The following MYOM2 variants were observed in gnomAD, a reference collection of about 807,000 sequenced individuals.
MYOM2 encodes myomesin-2.
In MYOM2, 254 loss-of-function variants were observed where a neutral mutation model predicts 187.6. The ratio of observed to expected loss-of-function variants is 1.35; its 90% confidence interval spans 1.22 to 1.50. The LOEUF (loss-of-function observed/expected upper bound fraction) is 1.50. Ranked by LOEUF, MYOM2 falls within the 40% of genes most tolerant of loss-of-function variation. The pLI is 0.00. For missense variants in MYOM2, 2,796 were observed against 1,924.0 expected, an observed-to-expected ratio of 1.45 and a Z score of -8.48; for synonymous variants, 981 against 753.8, an observed-to-expected ratio of 1.30 and a Z score of -4.94.
At position 2,133,678 on chromosome 8, in the gene MYOM2, C is replaced by T. The variant is rs986329588; in HGVS notation, c.3800+4446C>T. Among the ~76,000 whole-genome samples, 10 of 152,288 alleles carry T rather than the reference C, an allele frequency of 6.6e-5. No individual in the cohort carries two copies. The East Asian group carries it at 1.9e-3, about 29-fold the overall frequency. The stretch of plus-strand genomic sequence containing the variant: ...GTTTCACCATGTTGGCCAGGCCGGT[C>T]TCGAACTCCTGACCTCAGGTGATCC... On this transcript the variant is annotated intron_variant, in intron 32 of 36. Coordinates refer to ENST00000262113, the MANE Select transcript of MYOM2 (RefSeq NM_003970.4).
chr8:2,066,602 G>A (rs536692681), intron 6 of MYOM2, among the ~76,000 whole-genome samples: 1 of 152,300 alleles, frequency 6.6e-6, no homozygotes, highest in South Asian at 2.1e-4. Flanking sequence ...ATGCAGCAAT[G>A]CCCACGGGTC....
At chr8:2,072,305 C>T in intron 8 of MYOM2, 40 bp from the exon 9 acceptor site, 1 of 1,581,816 alleles carries the variant, frequency 6.3e-7, no homozygotes, top group Non-Finnish European at 8.6e-7. Context: ...TTCATGCTCT[C>T]TGCCCTTCGG....
intron 20 of MYOM2, 67 bp downstream of exon 20, chr8:2,101,121 C>G (rs1027586107): frequency 3.9e-6 from 6 of 1,531,094 alleles, no homozygotes; most frequent in Non-Finnish European, 5.4e-6. Flanking sequence ...AAAGGCGGGC[C>G]AATCACTTGA....
intron 18 of MYOM2, among the ~76,000 whole-genome samples, chr8:2,098,577 G>C (rs538813131): frequency 2.6e-4 from 40 of 152,256 alleles, no homozygotes; most frequent in African/African-American, 9.4e-4. Flanking sequence ...CTGCCGCTGG[G>C]GTATCACCTG....
chr8:2,065,030 A>G (rs1219043763), intron 6 of MYOM2, among the ~76,000 whole-genome samples: 1 of 152,236 alleles, frequency 6.6e-6, no homozygotes, highest in Non-Finnish European at 1.5e-5. Context: ...TTCAGCTATT[A>G]TTTCTTAGTT....
Position 2,144,700 on chromosome 8 carries a change from G to A in MYOM2, c.4117G>A (p.Asp1373Asn). The change falls in exon 37 of 37, where the codon GAC (aspartate) becomes AAC (asparagine). Residue 1373 changes from aspartate to asparagine, a missense_variant. Asp to Asn is a conservative substitution (Grantham distance 23). Transcript: ENST00000262113. ...GACCTGCACGGTGTTTGGAAACCCT[G>A]ACCCCGAAGTGATTTGGTTCAAGAA... is the stretch of plus-strand genomic sequence containing the variant. ...NLTCTVFGNP[D>N]PEVIWFKNDQ... 6.2e-7 allele frequency: 1 copy of A among 1,613,804 alleles called. No homozygotes were observed. Among genetic ancestry groups the A allele is most frequent in the East Asian group, 2.2e-5 (1 of 44,826 alleles).
At chr8:2,087,316 C>A (rs757167259) in intron 14 of MYOM2, among the ~76,000 whole-genome samples, 8 of 152,202 alleles carry the variant, frequency 5.3e-5, no homozygotes, top group Non-Finnish European at 8.8e-5. Context: ...CCACTCAATG[C>A]AGCATGGCGG....
chr8:2,074,761 C>G (rs1027829026), intron 10 of MYOM2, among the ~76,000 whole-genome samples: 5 of 152,218 alleles, frequency 3.3e-5, no homozygotes, highest in Non-Finnish European at 7.3e-5. Flanking sequence ...CCGGCCCCAC[C>G]TACGCTTTTA....
intron 8 of MYOM2, 52 bp from the exon 9 acceptor site, chr8:2,072,293 G>A (rs1030340913): frequency 1.3e-5 from 19 of 1,453,076 alleles, no homozygotes; most frequent in South Asian, 6.7e-5. Flanking sequence ...AGCCTCCATC[G>A]TTTCATGCTC....
intron 6 of MYOM2, among the ~76,000 whole-genome samples, chr8:2,063,773 G>A: frequency 6.6e-6 from 1 of 152,214 alleles, no homozygotes; most frequent in East Asian, 1.9e-4. Flanking sequence ...TTTAAGACAG[G>A]ACAGAACCAG....
chr8:2,110,434 G>C (rs1209499023), intron 25 of MYOM2, among the ~76,000 whole-genome samples: 1 of 152,188 alleles, frequency 6.6e-6, no homozygotes, highest in Non-Finnish European at 1.5e-5. Flanking sequence ...CTCCTTATTT[G>C]TCTGGAGAAT....
At chr8:2,098,596 C>T (rs530486416) in intron 18 of MYOM2, among the ~76,000 whole-genome samples, 3 of 152,180 alleles carry the variant, frequency 2.0e-5, no homozygotes, top group Non-Finnish European at 4.4e-5. Flanking sequence ...TGTCCCCTAC[C>T]CCCGCAGGAG....
chr8:2,104,853 G>T (rs147971845), intron 21 of MYOM2, among the ~76,000 whole-genome samples: 31 of 152,268 alleles, frequency 2.0e-4, no homozygotes, highest in African/African-American at 7.5e-4. Flanking sequence ...CCAACCAGCA[G>T]CCGTGGTTAT....
chr8:2,099,728 C>T (rs999341367), intron 19 of MYOM2, among the ~76,000 whole-genome samples: 2 of 152,220 alleles, frequency 1.3e-5, no homozygotes, highest in African/African-American at 4.8e-5. Context: ...CTAACATTTT[C>T]TCTCTGTTTT....
chr8:2,120,680 T>TATAATATATATATATATATA, intron 28 of MYOM2, among the ~76,000 whole-genome samples: 1 of 48,300 alleles, frequency 2.1e-5, no homozygotes, highest in Non-Finnish European at 4.1e-5. Flanking sequence ...ATATATTATA[T>TATAATATATATATATATATA]TATATATAAA....
intron 20 of MYOM2, chr8:2,102,397 A>G (rs1418582169): frequency 1.1e-5 from 4 of 368,714 alleles, no homozygotes; most frequent in South Asian, 6.8e-5. Context: ...ACTAGTCAGT[A>G]TGATTTTACT....
chr8:2,104,335 G>A (rs956519301), intron 21 of MYOM2, among the ~76,000 whole-genome samples: 1 of 152,164 alleles, frequency 6.6e-6, no homozygotes, highest in Admixed American at 6.5e-5. Context: ...GGGTGTGGTG[G>A]CTCACGCCTG....
intron 6 of MYOM2, among the ~76,000 whole-genome samples, chr8:2,064,098 AC>A (rs995917605): frequency 2.6e-5 from 4 of 152,212 alleles, no homozygotes; most frequent in African/African-American, 9.6e-5. Context: ...CCAAGTGGAC[AC>A]AGGCTAAGCT....
chr8:2,055,443 G>A (rs1818631966), intron 3 of MYOM2, among the ~76,000 whole-genome samples: 1 of 152,186 alleles, frequency 6.6e-6, no homozygotes, highest in Admixed American at 6.5e-5. Flanking sequence ...AGGCAAGAGG[G>A]CATGCAGAAT....
Sources: allele counts gnomAD v4.1 joint callset (sites outside exome capture counted in the v4.1 genomes callset), GRCh38; gene constraint gnomAD v4.1.1; transcripts MANE v1.5; gene names NCBI Gene and HGNC (gene_info 2026-07-23, HGNC 2026-07-21).